FGF12: variants seen among roughly 807,000 people sequenced by gnomAD.
The protein encoded by FGF12 is fibroblast growth factor 12B.
A neutral mutation model predicts 23.6 loss-of-function variants in FGF12; 14 were observed. The observed-to-expected ratio is 0.59, with a 90% CI of 0.39 to 0.93. The LOEUF (loss-of-function observed/expected upper bound fraction) is 0.93, where lower values mean the gene tolerates loss of function less well. Among genes scored for constraint, FGF12 ranks in the 40% least tolerant of loss-of-function variants. FGF12 has a pLI of 0.00. For synonymous variants in FGF12, 62 were observed against 77.3 expected (o/e 0.80, Z 1.04); for missense variants, 175 against 217.8 (o/e 0.80, Z 1.24).
intron 2 of FGF12, among the ~76,000 whole-genome samples, chr3:192,660,217 G>A (rs1716601627): frequency 2.0e-5 from 3 of 150,244 alleles, no homozygotes; most frequent in Admixed American, 2.0e-4. Flanking sequence ...GTAGGGACAT[G>A]GATGAAGCTG....
At chr3:192,625,756 A>C (rs978514408) in intron 2 of FGF12, among the ~76,000 whole-genome samples, 1 of 152,206 alleles carries the variant, frequency 6.6e-6, no homozygotes, top group Admixed American at 6.5e-5. Flanking sequence ...AATATTGAAA[A>C]GAAAAACACA....
intron 2 of FGF12, among the ~76,000 whole-genome samples, chr3:192,624,839 C>T (rs573338900): frequency 2.0e-5 from 3 of 152,076 alleles, no homozygotes; most frequent in African/African-American, 7.2e-5. Flanking sequence ...AGTCTCTATC[C>T]CCTATTTGTG....
intron 4 of FGF12, among the ~76,000 whole-genome samples, chr3:192,248,136 CA>C (rs1287247960): frequency 6.6e-6 from 1 of 152,090 alleles, no homozygotes; most frequent in Non-Finnish European, 1.5e-5. Context: ...CAAATTTCAT[CA>C]AACCATTAGT....
chr3:192,462,388 C>G (rs1422018774), intron 2 of FGF12, among the ~76,000 whole-genome samples: 1 of 151,948 alleles, frequency 6.6e-6, no homozygotes. Flanking sequence ...ACTGGTGGCT[C>G]TACATGAAGA....
chr3:192,383,407 G>T (rs1719909637), intron 2 of FGF12, among the ~76,000 whole-genome samples: 1 of 151,926 alleles, frequency 6.6e-6, no homozygotes, highest in Admixed American at 6.6e-5. Flanking sequence ...AGGGGGAAAA[G>T]GCAGTCAAGG....
chr3:192,528,386 G>A (rs1339030284), intron 2 of FGF12, among the ~76,000 whole-genome samples: 2 of 152,280 alleles, frequency 1.3e-5, no homozygotes, highest in African/African-American at 4.8e-5. Context: ...TGCAAGAGGT[G>A]GGTCCCCATG....
chr3:192,492,956 AT>A (rs766838831), intron 2 of FGF12, among the ~76,000 whole-genome samples: 5,604 of 121,568 alleles, frequency 0.046, 332 homozygotes, highest in African/African-American at 0.14. Context: ...AATTTTTGTA[AT>A]TTTTTTTTTT....
At chr3:192,198,064 C>T (rs564571969) in intron 4 of FGF12, among the ~76,000 whole-genome samples, 52 of 149,172 alleles carry the variant, frequency 3.5e-4, no homozygotes, top group African/African-American at 1.2e-3. Context: ...TGTCAACAAA[C>T]TTCTTAACTT....
rs1227635320 is a variant in FGF12 at position 192,656,310 on chromosome 3, CACACACACACAGAGAG to C, written c.13+70855_13+70870del. 8.1e-5 allele frequency among the ~76,000 whole-genome samples: 8 copies of C among 98,672 alleles called. No individual in the cohort carries two copies. In the East Asian group the frequency reaches 1.1e-3, roughly 14 times the overall value. The allele number at this position is 98,672 out of a possible 152,430, so 64.7% of individuals were successfully genotyped here. On this transcript the variant is annotated intron_variant, in intron 2 of 5. Coordinates refer to ENST00000445105, the MANE Select transcript of FGF12 (RefSeq NM_004113.6). ...ACACACACACACACACACACACACA[CACACACACACAGAGAG>C]AGAATTATAGTAAAGCAGATACATG...
intron 3 of FGF12, among the ~76,000 whole-genome samples, chr3:192,342,596 C>G (rs2108710378): frequency 6.6e-6 from 1 of 152,118 alleles, no homozygotes; most frequent in South Asian, 2.1e-4. Flanking sequence ...CACAGGGAGA[C>G]TCCATCTCTG....
intron 2 of FGF12, among the ~76,000 whole-genome samples, chr3:192,551,714 G>C (rs973882005): frequency 6.6e-6 from 1 of 151,850 alleles, no homozygotes; most frequent in Non-Finnish European, 1.5e-5. Context: ...GCCACCAGTA[G>C]TTAACCACTT....
At chr3:192,147,797 A>G (rs1443758399) in intron 5 of FGF12, among the ~76,000 whole-genome samples, 1 of 151,334 alleles carries the variant, frequency 6.6e-6, no homozygotes. Flanking sequence ...AATTTATCCA[A>G]CAAACAATGT....
intron 2 of FGF12, among the ~76,000 whole-genome samples, chr3:192,432,305 G>A (rs1467342253): frequency 2.6e-5 from 4 of 152,174 alleles, no homozygotes; most frequent in Non-Finnish European, 2.9e-5. Flanking sequence ...TGTTGTGGGA[G>A]TATTGATTCA....
intron 4 of FGF12, among the ~76,000 whole-genome samples, chr3:192,297,347 T>C (rs1715100121): frequency 6.6e-6 from 1 of 152,200 alleles, no homozygotes; most frequent in South Asian, 2.1e-4. Flanking sequence ...AAGTATACTG[T>C]TTGGTAATTG....
intron 2 of FGF12, among the ~76,000 whole-genome samples, chr3:192,693,527 T>C (rs529611025): frequency 6.6e-6 from 1 of 151,898 alleles, no homozygotes; most frequent in African/African-American, 2.4e-5. Context: ...ATTACCAAGA[T>C]AAAAACAATA....
chr3:192,170,284 G>GAA (rs5855411), intron 5 of FGF12, among the ~76,000 whole-genome samples, 174 bp downstream of exon 5: 2 of 109,462 alleles, frequency 1.8e-5, no homozygotes. Flanking sequence ...TGCCTCAAAA[G>GAA]AAAAAAAAAA....
At chr3:192,405,760 T>G (rs1392335188) in intron 2 of FGF12, among the ~76,000 whole-genome samples, 1 of 152,238 alleles carries the variant, frequency 6.6e-6, no homozygotes, top group Non-Finnish European at 1.5e-5. Flanking sequence ...ATAAATAGAC[T>G]TATTCCATGC....
chr3:192,677,814 T>G (rs1176824127), intron 2 of FGF12, among the ~76,000 whole-genome samples: 1 of 152,170 alleles, frequency 6.6e-6, no homozygotes, highest in Non-Finnish European at 1.5e-5. Flanking sequence ...GCATTAGAAG[T>G]TCTGAATTTG....
chr3:192,630,253 T>TGC (rs1421845070), intron 2 of FGF12, among the ~76,000 whole-genome samples: 1 of 152,196 alleles, frequency 6.6e-6, no homozygotes, highest in Admixed American at 6.5e-5. Flanking sequence ...GCCAACATCG[T>TGC]GCTTCCTGTA....
Sources: allele counts gnomAD v4.1 joint callset (sites outside exome capture counted in the v4.1 genomes callset), GRCh38; gene constraint gnomAD v4.1.1; transcripts MANE v1.5; gene names NCBI Gene and HGNC (gene_info 2026-07-23, HGNC 2026-07-21).